PRMT3: variants seen among roughly 807,000 people sequenced by gnomAD.
PRMT3 encodes the protein protein arginine methyltransferase 3.
In PRMT3, 62 loss-of-function variants were observed where a neutral mutation model predicts 71.9. The observed-to-expected ratio is 0.86, with a 90% CI of 0.70 to 1.07. PRMT3 has a LOEUF of 1.07. Ranked by LOEUF, PRMT3 falls within the 50% of genes least tolerant of loss-of-function variation. The probability of loss-of-function intolerance (pLI) is 0.00; values close to 1 mark genes in which losing one functional copy is unlikely to be tolerated. For missense variants in PRMT3, 663 were observed against 643.0 expected (o/e 1.03, Z -0.34); for synonymous variants, 213 against 220.4 (o/e 0.97, Z 0.30).
intron 9 of PRMT3, among the ~76,000 whole-genome samples, chr11:20,421,901 T>G (rs1353857154): frequency 6.6e-6 from 1 of 152,214 alleles, no homozygotes; most frequent in Non-Finnish European, 1.5e-5. Context: ...ACATACATTG[T>G]CACCTGTGTC....
At chr11:20,464,398 TTTG>T (rs1246459679) in intron 12 of PRMT3, 59 bp from the exon 13 acceptor site, 2 of 1,526,662 alleles carry the variant, frequency 1.3e-6, no homozygotes, top group Non-Finnish European at 1.7e-6. Flanking sequence ...TGTTTTATTT[TTTG>T]TTTTTTTTTT....
At chr11:20,498,922 C>T (rs1246115287) in intron 15 of PRMT3, among the ~76,000 whole-genome samples, 1 of 152,026 alleles carries the variant, frequency 6.6e-6, no homozygotes, top group East Asian at 1.9e-4. Flanking sequence ...AAATATAAGA[C>T]ATGTATTAAA....
chr11:20,473,749 C>T (rs965358298), intron 13 of PRMT3, among the ~76,000 whole-genome samples: 2 of 152,156 alleles, frequency 1.3e-5, no homozygotes, highest in African/African-American at 2.4e-5. Context: ...TCAATTCAGC[C>T]ATCTCAGCCC....
chr11:20,462,529 A>G (rs749469631), intron 12 of PRMT3, among the ~76,000 whole-genome samples: 1 of 152,160 alleles, frequency 6.6e-6, no homozygotes, highest in East Asian at 1.9e-4. Context: ...CAGCCAGATT[A>G]TTCATTCGTG....
intron 12 of PRMT3, among the ~76,000 whole-genome samples, chr11:20,462,866 T>C (rs1850417284): frequency 6.6e-6 from 1 of 151,822 alleles, no homozygotes; most frequent in Admixed American, 6.6e-5. Context: ...ATATTGTCTT[T>C]GTCTCAAGAG....
intron 13 of PRMT3, among the ~76,000 whole-genome samples, chr11:20,487,972 A>G (rs1851117339): frequency 1.3e-5 from 2 of 152,158 alleles, no homozygotes; most frequent in African/African-American, 2.4e-5. Flanking sequence ...TTTTAAAAAT[A>G]TTTTTGGACT....
In PRMT3 at chr11:20,395,844, T is replaced by C; in HGVS notation, c.442T>C (p.Tyr148His). 6.2e-7 allele frequency: 1 copy of C among 1,613,988 alleles called. No individual in the cohort carries two copies. The highest frequency in any genetic ancestry group is 8.5e-7 in the Non-Finnish European group (1 of 1,179,912). The change falls in exon 6 of 16, where the codon TAC (tyrosine) becomes CAC (histidine). Residue 148 changes from tyrosine (Y) to histidine (H), a missense_variant. Transcript: ENST00000331079. ...TGAACCGGTGTCAGTACCCTTCTCA[T>C]ACCCCAATGGACTCAGTGAAAATAC... Reference protein sequence around the residue: ...LYEPVSVPFSYPNGLSENTSV... With the variant: ...LYEPVSVPFSHPNGLSENTSV...
intron 10 of PRMT3, among the ~76,000 whole-genome samples, chr11:20,439,076 AAGGTACACTTC>A (rs1343718238): frequency 6.6e-6 from 1 of 152,206 alleles, no homozygotes; most frequent in Non-Finnish European, 1.5e-5. Context: ...CCCCTGAAGC[AAGGTACACTTC>A]AGCCATAGTT....
intron 9 of PRMT3, among the ~76,000 whole-genome samples, chr11:20,422,109 T>G (rs1423663939): frequency 1.3e-5 from 2 of 152,170 alleles, no homozygotes; most frequent in East Asian, 3.8e-4. Flanking sequence ...TGGAAGAATC[T>G]CTTCACAGCC....
chr11:20,392,359 A>G (rs983449043), intron 4 of PRMT3, 99 bp downstream of exon 4: 19 of 1,286,822 alleles, frequency 1.5e-5, no homozygotes, highest in Admixed American at 2.7e-5. Context: ...GAGGAACTGC[A>G]TTAAATTTGG....
At position 20,504,748 on chromosome 11, in the gene PRMT3, G is replaced by A. The variant is rs867622231; in HGVS notation, c.1487-3556G>A. Among the ~76,000 whole-genome samples, 207 of 143,096 alleles carry A rather than the reference G, an allele frequency of 1.4e-3. 1 individual carries two copies. Among genetic ancestry groups the A allele is most frequent in the African/African-American group, 5.0e-3 (198 of 39,226 alleles). 93.9% of individuals were successfully genotyped at this position (143,096 alleles called of 152,430 possible). On this transcript the variant is annotated intron_variant, in intron 15 of 15. Transcript: ENST00000331079. ...AGAGAGAGAGAGAGAGAGAGAGAGC[G>A]AGAGCGACTGAGACTCGGTCTGTCG...
At chr11:20,469,831 A>G (rs1217972909) in intron 13 of PRMT3, among the ~76,000 whole-genome samples, 1 of 152,088 alleles carries the variant, frequency 6.6e-6, no homozygotes, top group Non-Finnish European at 1.5e-5. Flanking sequence ...CTACTTTTCT[A>G]TTAGCATGTA....
intron 9 of PRMT3, among the ~76,000 whole-genome samples, chr11:20,425,489 A>G (rs1433306859): frequency 6.6e-6 from 1 of 152,238 alleles, no homozygotes; most frequent in African/African-American, 2.4e-5. Flanking sequence ...GCTAGAAGCA[A>G]TCCAGAATTA....
At chr11:20,424,164 AC>A (rs1490256251) in intron 9 of PRMT3, among the ~76,000 whole-genome samples, 3 of 139,710 alleles carry the variant, frequency 2.1e-5, no homozygotes, top group African/African-American at 8.2e-5. Context: ...AGCCTGGGCA[AC>A]AAAGCAAGAC....
At chr11:20,504,735 A>AGAGAGAGAGAGC (rs1055774594) in intron 15 of PRMT3, among the ~76,000 whole-genome samples, 3 of 151,608 alleles carry the variant, frequency 2.0e-5, no homozygotes, top group African/African-American at 7.3e-5. Context: ...AGAGAGAGAG[A>AGAGAGAGAGAGC]GAGAGAGAGA....
chr11:20,487,321 C>A (rs1191693594), intron 13 of PRMT3, among the ~76,000 whole-genome samples: 1 of 152,100 alleles, frequency 6.6e-6, no homozygotes, highest in African/African-American at 2.4e-5. Flanking sequence ...AAAAACCGTT[C>A]AAGTGCCTGT....
chr11:20,459,812 A>G (rs1850343390), intron 11 of PRMT3, among the ~76,000 whole-genome samples: 1 of 152,222 alleles, frequency 6.6e-6, no homozygotes, highest in Non-Finnish European at 1.5e-5. Context: ...ACACTTCCTT[A>G]TAGCTGATCC....
At chr11:20,444,136 A>G (rs184775877) in intron 10 of PRMT3, among the ~76,000 whole-genome samples, 335 of 152,256 alleles carry the variant, frequency 2.2e-3, no homozygotes, top group African/African-American at 7.4e-3. Context: ...TTTTTTGACT[A>G]TGTGATATAC....
chr11:20,508,481 C>A lies in PRMT3; in HGVS notation c.*68C>A, dbSNP rs1450215643. On this transcript the variant is annotated 3_prime_UTR_variant, in exon 16 of 16. Coordinates refer to ENST00000331079, the MANE Select transcript of PRMT3 (RefSeq NM_005788.4). The stretch of plus-strand genomic sequence containing the variant: ...GGTAGAGTGGGTCAGCAGGAGGGAG[C>A]TGGTTTTATGTGAGCAGATGGATGG... 7 of 1,135,006 alleles carry A rather than the reference C, an allele frequency of 6.2e-6. No homozygotes were observed. Among genetic ancestry groups the A allele is most frequent in the Middle Eastern group, 1.9e-4 (1 of 5,130 alleles). 70.3% of individuals were successfully genotyped at this position (1,135,006 alleles called of 1,614,324 possible).
Sources: allele counts gnomAD v4.1 joint callset (sites outside exome capture counted in the v4.1 genomes callset), GRCh38; gene constraint gnomAD v4.1.1; transcripts MANE v1.5; gene names NCBI Gene and HGNC (gene_info 2026-07-23, HGNC 2026-07-21).